Variants in RFC2 observed in about 807,000 individuals in gnomAD.
The protein encoded by RFC2 is A1 40 kDa subunit.
A neutral mutation model predicts 44.8 loss-of-function variants in RFC2; 34 were observed. The ratio of observed to expected loss-of-function variants is 0.76; its 90% CI spans 0.58 to 1.01. RFC2 has a LOEUF of 1.01. Ranked by LOEUF, RFC2 falls within the 50% of genes least tolerant of loss-of-function variation. The pLI, the probability that RFC2 is intolerant of heterozygous loss-of-function variation, is 0.00. For missense variants in RFC2, 400 were observed against 453.6 expected (o/e 0.88, Z 1.07); for synonymous variants, 177 against 168.9 (o/e 1.05, Z -0.37).
chr7:74,246,986 T>G (rs970393008), intron 4 of RFC2, among the ~76,000 whole-genome samples: 4 of 151,308 alleles, frequency 2.6e-5, no homozygotes, highest in Middle Eastern at 3.4e-3. Flanking sequence ...TTTTTTTTTT[T>G]TTTTCTTCAG....
At chr7:74,245,526 C>T (rs1189820500) in intron 5 of RFC2, among the ~76,000 whole-genome samples, 6 of 144,724 alleles carry the variant, frequency 4.1e-5, no homozygotes, top group Admixed American at 2.1e-4. Flanking sequence ...TCCTGGCTAA[C>T]ACAGTGAAAC....
chr7:74,253,302 A>C (rs1787078884), intron 1 of RFC2, among the ~76,000 whole-genome samples: 1 of 151,502 alleles, frequency 6.6e-6, no homozygotes, highest in African/African-American at 2.4e-5. Context: ...GTCACTACCA[A>C]CCTCAGGTGA....
chr7:74,236,896 C>CTACA (rs1803041948), intron 9 of RFC2, among the ~76,000 whole-genome samples: 1 of 152,032 alleles, frequency 6.6e-6, no homozygotes, highest in African/African-American at 2.4e-5. Flanking sequence ...GAGGTAGAGG[C>CTACA]TACAGTGAGC....
chr7:74,249,623 G>C lies in RFC2; in HGVS notation c.225+116C>G, dbSNP rs1158465083. 7.2e-6 allele frequency: 6 copies of C among 834,054 alleles called. No individual in the cohort carries two copies. The African/African-American group carries it at 1.0e-4, about 14-fold the overall frequency. 51.7% of individuals were successfully genotyped at this position (834,054 alleles called of 1,614,324 possible). On this transcript the variant is annotated intron_variant, in intron 3 of 10. Transcript: ENST00000055077. ...CAACTAGAGTGAAACACTTCCCTTTGCCGGGGGAATGGGAAGGGGCTCTCC... is the reference window on the plus strand; with the variant it reads ...CAACTAGAGTGAAACACTTCCCTTTCCCGGGGGAATGGGAAGGGGCTCTCC...
intron 6 of RFC2, among the ~76,000 whole-genome samples, chr7:74,241,410 G>C (rs1217451362): frequency 6.6e-6 from 1 of 152,224 alleles, no homozygotes; most frequent in Non-Finnish European, 1.5e-5. Flanking sequence ...GTGCGATTTT[G>C]GGAAGGGAAA....
At chr7:74,254,077 G>T (rs1000217670) in intron 1 of RFC2, among the ~76,000 whole-genome samples, 194 bp downstream of exon 1, 1 of 152,118 alleles carries the variant, frequency 6.6e-6, no homozygotes, top group African/African-American at 2.4e-5. Context: ...GACTCCGCTC[G>T]CAGAGTTTAG....
At chr7:74,237,112 TTAA>T (rs1313660490) in intron 9 of RFC2, among the ~76,000 whole-genome samples, 1 of 151,932 alleles carries the variant, frequency 6.6e-6, no homozygotes, top group African/African-American at 2.4e-5. Flanking sequence ...TAGCATGATA[TTAA>T]TAATTTTTTT....
At chr7:74,242,079 A>C (rs1427993392) in intron 6 of RFC2, among the ~76,000 whole-genome samples, 1 of 152,206 alleles carries the variant, frequency 6.6e-6, no homozygotes, top group Non-Finnish European at 1.5e-5. Flanking sequence ...GGGAGGTGGA[A>C]GGGCAAACAG....
chr7:74,237,531 T>A, intron 8 of RFC2, 89 bp from the exon 9 acceptor site: 1 of 682,772 alleles, frequency 1.5e-6, no homozygotes, highest in South Asian at 3.1e-5. Context: ...AGGCAATCTA[T>A]GGGTAAAACT....
At chr7:74,251,744 GCT>G (rs1554721082) in intron 2 of RFC2, among the ~76,000 whole-genome samples, 2 of 147,414 alleles carry the variant, frequency 1.4e-5, no homozygotes, top group African/African-American at 2.5e-5. Context: ...CTTGCAGTGA[GCT>G]GAGATGGCGC....
At chr7:74,237,311 T>G (rs970376424) in intron 9 of RFC2, 51 bp downstream of exon 9, 5 of 1,328,132 alleles carry the variant, frequency 3.8e-6, no homozygotes, top group Non-Finnish European at 5.3e-6. Flanking sequence ...CGCTCTCCTC[T>G]GCCCAAGAAG....
At position 74,237,371 on chromosome 7, in the gene RFC2, T is replaced by C; in HGVS notation, c.831A>G (p.Glu277=). ...IQHCVNANID[E]AYKILAHLWH... The stretch of plus-strand genomic sequence containing the variant: ...GGGGAAGGAGGCCAACCTTGTAGGC[T>C]TCGTCAATGTTGGCATTCACACAGT... Residue 277 remains glutamate (E), a synonymous_variant, in exon 9 of 11, where the codon GAA becomes GAG. Coordinates refer to ENST00000055077, the MANE Select transcript of RFC2 (RefSeq NM_181471.3). 6.2e-7 allele frequency: 1 copy of C among 1,604,222 alleles called. No individual in the cohort carries two copies. The highest frequency in any genetic ancestry group is 1.3e-5 in the African/African-American group (1 of 74,984).
rs1477054474 is a variant in RFC2, at chr7:74,238,662, T to C, written c.759+261A>G. Among the ~76,000 whole-genome samples, 2 of 152,032 alleles carry C rather than the reference T, an allele frequency of 1.3e-5. No individual in the cohort carries two copies. The highest frequency in any genetic ancestry group is 6.6e-5 in the Admixed American group (1 of 15,250). ...GGGATCAAATAAGACACGTCAGAAA[T>C]TGCTCGACCCTGGGTCTGATGCATC... is the stretch of plus-strand genomic sequence containing the variant. On this transcript the variant is annotated intron_variant, in intron 8 of 10. Coordinates refer to ENST00000055077, the MANE Select transcript of RFC2 (RefSeq NM_181471.3). The surrounding 1 kb of genome is among the most constrained non-coding windows in gnomAD (Gnocchi z 4.0).
In RFC2 at chr7:74,249,051, A is replaced by C; in HGVS notation, c.293T>G (p.Leu98Arg). Residue 98 changes from leucine (L) to arginine (R), a missense_variant, in exon 4 of 11, where the codon CTC becomes CGC. Transcript: ENST00000055077. Reference sequence around the variant, plus strand: ...ATTGAGTTCCAACATGGCATCTTTGAGTGCTGGGCCCAGCAGGGCCCGGGC... The same window carrying C: ...ATTGAGTTCCAACATGGCATCTTTGCGTGCTGGGCCCAGCAGGGCCCGGGC... ...CLARALLGPA[L>R]KDAMLELNAS... 1 of 1,613,928 alleles carries C rather than the reference A, an allele frequency of 6.2e-7. No homozygotes were observed. Among genetic ancestry groups the C allele is most frequent in the Non-Finnish European group, 8.5e-7 (1 of 1,179,922 alleles).
At position 74,240,000 on chromosome 7, in the gene RFC2, C is replaced by T; in HGVS notation, c.631G>A (p.Val211Ile). ...TCTAGGCCGTCATCAGTGTAGGGTA[C>T]CCTCTCCTTCTCGATAACATTCATC... ...RLMNVIEKER[V>I]PYTDDGLEAI... is the part of the protein sequence containing the mutation. Residue 211 changes from valine (V) to isoleucine (I), a missense_variant, in exon 7 of 11, where the codon GTA becomes ATA. Coordinates refer to ENST00000055077, the MANE Select transcript of RFC2 (RefSeq NM_181471.3). 3 of 1,613,852 alleles carry T rather than the reference C, an allele frequency of 1.9e-6. No individual in the cohort carries two copies. The highest frequency in any genetic ancestry group is 2.5e-6 in the Non-Finnish European group (3 of 1,179,900).
chr7:74,235,290 G>A (rs1488592357), intron 10 of RFC2, among the ~76,000 whole-genome samples: 1 of 152,156 alleles, frequency 6.6e-6, no homozygotes, highest in African/African-American at 2.4e-5. Context: ...GCCCACCTCG[G>A]CCTCCCAAAG....
At chr7:74,235,841 AAAGAT>A (rs1332457262) in intron 9 of RFC2, among the ~76,000 whole-genome samples, 196 bp from the exon 10 acceptor site, 1 of 151,930 alleles carries the variant, frequency 6.6e-6, no homozygotes, top group Admixed American at 6.6e-5. Context: ...TCAGTAATAT[AAAGAT>A]AAGAGTCTTG....
At chr7:74,241,587 G>A (rs1293715551) in intron 6 of RFC2, among the ~76,000 whole-genome samples, 1 of 152,206 alleles carries the variant, frequency 6.6e-6, no homozygotes, top group African/African-American at 2.4e-5. Context: ...GGGCAGAAGT[G>A]AGGCAAAGAA....
intron 6 of RFC2, among the ~76,000 whole-genome samples, chr7:74,241,192 A>T (rs1803312621): frequency 6.6e-6 from 1 of 152,182 alleles, no homozygotes; most frequent in South Asian, 2.1e-4. Context: ...CGGCCTCCCA[A>T]AGTGCTGGGA....
Sources: allele counts gnomAD v4.1 joint callset (sites outside exome capture counted in the v4.1 genomes callset), GRCh38; gene constraint gnomAD v4.1.1; non-coding constraint Gnocchi (gnomAD v3.1); transcripts MANE v1.5; gene names NCBI Gene and HGNC (gene_info 2026-07-23, HGNC 2026-07-21).